Variants in NFYC observed in about 807,000 individuals in gnomAD.
The protein encoded by NFYC is CAAT box DNA-binding protein subunit C.
Under a neutral mutation model 53.1 loss-of-function variants are expected in NFYC, and 25 were observed. The ratio of observed to expected loss-of-function variants is 0.47; its 90% CI spans 0.34 to 0.66. The LOEUF (loss-of-function observed/expected upper bound fraction) is 0.66, where lower values mean the gene tolerates loss of function less well. NFYC is among the 30% of genes least tolerant of loss of function. The pLI, the probability that NFYC is intolerant of heterozygous loss-of-function variation, is 0.01. For synonymous variants in NFYC, 145 were observed against 152.6 expected (o/e 0.95, Z 0.37); for missense variants, 260 against 422.7 (o/e 0.62, Z 3.38).
At chr1:40,705,988 CTCCT>C (rs889229673) in intron 1 of NFYC, among the ~76,000 whole-genome samples, 14 of 152,178 alleles carry the variant, frequency 9.2e-5, no homozygotes, top group African/African-American at 3.4e-4. Flanking sequence ...TCAAGTGATC[CTCCT>C]TCCTTGGCCT....
At chr1:40,701,607 A>G (rs1283029382) in intron 1 of NFYC, among the ~76,000 whole-genome samples, 4 of 152,170 alleles carry the variant, frequency 2.6e-5, no homozygotes, top group Admixed American at 2.6e-4. Flanking sequence ...TGCTATGCTT[A>G]TGTCCTCCCA....
chr1:40,759,833 G>A (rs747709831), intron 6 of NFYC, among the ~76,000 whole-genome samples: 3 of 152,098 alleles, frequency 2.0e-5, no homozygotes, highest in Non-Finnish European at 2.9e-5. Context: ...AGTAGTCAGC[G>A]TAGGGGACCA....
chr1:40,749,729 A>G (rs1315953985), intron 4 of NFYC, 43 bp downstream of exon 4: 2 of 1,500,448 alleles, frequency 1.3e-6, no homozygotes, highest in Non-Finnish European at 1.9e-6. Context: ...GGTAAGCAGC[A>G]GCCTTTGCCT....
intron 1 of NFYC, among the ~76,000 whole-genome samples, chr1:40,725,636 A>G (rs569519656): frequency 6.6e-6 from 1 of 152,286 alleles, no homozygotes; most frequent in East Asian, 1.9e-4. Context: ...CCATCCATTT[A>G]TTTTTATTAA....
At position 40,747,841 on chromosome 1, in the gene NFYC, GTT is replaced by G. The variant is rs1227259090; in HGVS notation, c.177+251_177+252del. ...ATGTTGAAAAAATAGTTGATGTTGG[GTT>G]TTTTTTTTTTTTTTGAGAGTTTTAC... is the stretch of plus-strand genomic sequence containing the variant. On this transcript the variant is annotated intron_variant, in intron 3 of 9. Transcript: ENST00000447388. Among the ~76,000 whole-genome samples, 15 of 136,988 alleles carry G rather than the reference GTT, an allele frequency of 1.1e-4. 1 individual carries two copies. The South Asian group carries it at 1.9e-3, about 17-fold the overall frequency. The allele number at this position is 136,988 out of a possible 152,430, so 89.9% of individuals were successfully genotyped here.
chr1:40,732,530 A>T (rs1299323630), intron 1 of NFYC, among the ~76,000 whole-genome samples: 1 of 152,216 alleles, frequency 6.6e-6, no homozygotes, highest in Non-Finnish European at 1.5e-5. Context: ...GAGTAACTGG[A>T]TATAAGAGTA....
intron 8 of NFYC, chr1:40,767,319 A>G (rs1646867589): frequency 3.3e-6 from 1 of 303,506 alleles, no homozygotes; most frequent in Admixed American, 4.3e-5. Flanking sequence ...AGACCCAAAA[A>G]AAGCAGCGAT....
chr1:40,713,619 C>T (rs1304659626), intron 1 of NFYC, among the ~76,000 whole-genome samples: 1 of 152,186 alleles, frequency 6.6e-6, no homozygotes, highest in Non-Finnish European at 1.5e-5. Flanking sequence ...ATGGGAATCA[C>T]TTAGGGATCT....
intron 2 of NFYC, among the ~76,000 whole-genome samples, chr1:40,742,457 C>G (rs1344164072): frequency 6.6e-6 from 1 of 152,102 alleles, no homozygotes; most frequent in Non-Finnish European, 1.5e-5. Flanking sequence ...ATTTTAGTAC[C>G]TAGACTTAGT....
intron 8 of NFYC, among the ~76,000 whole-genome samples, chr1:40,768,433 G>T (rs1557945472): frequency 6.6e-6 from 1 of 152,204 alleles, no homozygotes; most frequent in Non-Finnish European, 1.5e-5. Flanking sequence ...TCCCTTTCTT[G>T]TTCCTCATAG....
Position 40,729,171 on chromosome 1 carries a change from C to A in NFYC, c.-8-9665C>A, listed in dbSNP as rs1644653664. Among the ~76,000 whole-genome samples, 3 of 152,294 alleles carry A rather than the reference C, an allele frequency of 2.0e-5. No homozygotes were observed. The South Asian group carries it at 6.2e-4, about 32-fold the overall frequency. Reference sequence around the variant, plus strand: ...AATGGTAAATGAGCATCGGCTTCCACAGGCATTGACTTCTTTGTAGCTATG... The same window carrying A: ...AATGGTAAATGAGCATCGGCTTCCAAAGGCATTGACTTCTTTGTAGCTATG... On this transcript the variant is annotated intron_variant, in intron 1 of 9. Coordinates refer to ENST00000447388, the MANE Select transcript of NFYC (RefSeq NM_014223.5).
At chr1:40,739,627 A>G (rs1393995557) in intron 2 of NFYC, among the ~76,000 whole-genome samples, 1 of 152,192 alleles carries the variant, frequency 6.6e-6, no homozygotes, top group African/African-American at 2.4e-5. Context: ...CTGACTCAGA[A>G]TAATTAAATA....
rs184850158 is a variant in NFYC at position 40,751,466 on chromosome 1, C to T, written c.292-1685C>T. Among the ~76,000 whole-genome samples the T allele has an allele frequency of 4.4e-4, 67 of 152,154 alleles. 1 individual carries two copies. Among genetic ancestry groups the T allele is most frequent in the East Asian group, 2.1e-3 (11 of 5,176 alleles). The stretch of plus-strand genomic sequence containing the variant: ...TGTGGCCTAGGCTGGAGTGCAGTGG[C>T]GCAATCACAGCTCATTGCAGCCTCG... On this transcript the variant is annotated intron_variant, in intron 4 of 9. Coordinates refer to ENST00000447388, the MANE Select transcript of NFYC (RefSeq NM_014223.5).
chr1:40,771,574 A>G lies in NFYC; in HGVS notation c.*746A>G. 2.9e-6 allele frequency: 1 copy of G among 347,692 alleles called. No homozygotes were observed. Among genetic ancestry groups the G allele is most frequent in the East Asian group, 1.0e-4 (1 of 9,962 alleles). The allele number at this position is 347,692 out of a possible 1,614,324, so 21.5% of individuals were successfully genotyped here. On this transcript the variant is annotated 3_prime_UTR_variant, in exon 10 of 10. Coordinates refer to ENST00000447388, the MANE Select transcript of NFYC (RefSeq NM_014223.5). ...CTCCTTTGCATGGACTTCAAGCTGC[A>G]TGAAATGCAATAAATCTCATTTTAG...
rs190465451 is a variant in NFYC at position 40,741,395 on chromosome 1, C to T, written c.105+2447C>T. Among the ~76,000 whole-genome samples the T allele has an allele frequency of 1.0e-3, 152 of 152,116 alleles. 1 individual carries two copies. The highest frequency in any genetic ancestry group is 3.4e-3 in the Middle Eastern group (1 of 294). ...GTGTTCTGAGCACATTTAAGGTGGGCGAGGCTTAACTATGATGTTTGATAG... is the reference window on the plus strand; with the variant it reads ...GTGTTCTGAGCACATTTAAGGTGGGTGAGGCTTAACTATGATGTTTGATAG... On this transcript the variant is annotated intron_variant, in intron 2 of 9. Transcript: ENST00000447388.
intron 1 of NFYC, among the ~76,000 whole-genome samples, chr1:40,734,431 C>T (rs1235069360): frequency 2.6e-5 from 4 of 151,974 alleles, no homozygotes; most frequent in East Asian, 1.9e-4. Context: ...GGCATGACCT[C>T]GGCTCACTGC....
chr1:40,714,537 A>G (rs1327867634), intron 1 of NFYC, among the ~76,000 whole-genome samples: 3 of 152,242 alleles, frequency 2.0e-5, no homozygotes, highest in South Asian at 2.1e-4. Context: ...TTTAAGTCCT[A>G]AAGTGTACTG....
At chr1:40,716,753 T>A (rs1644150580) in intron 1 of NFYC, among the ~76,000 whole-genome samples, 1 of 152,188 alleles carries the variant, frequency 6.6e-6, no homozygotes, top group East Asian at 1.9e-4. Context: ...CATCATCGTT[T>A]TTATTACATG....
At chr1:40,703,403 G>A (rs1643537268) in intron 1 of NFYC, among the ~76,000 whole-genome samples, 1 of 144,606 alleles carries the variant, frequency 6.9e-6, no homozygotes, top group Non-Finnish European at 1.5e-5. Flanking sequence ...GAGGCAGGAG[G>A]ATCACTTGAG....
Sources: allele counts gnomAD v4.1 joint callset (sites outside exome capture counted in the v4.1 genomes callset), GRCh38; gene constraint gnomAD v4.1.1; transcripts MANE v1.5; gene names NCBI Gene and HGNC (gene_info 2026-07-23, HGNC 2026-07-21).